Variants in BMP2K observed in about 807,000 individuals in gnomAD.
The protein encoded by BMP2K is BMP-2-inducible protein kinase.
A neutral mutation model predicts 116.0 loss-of-function variants in BMP2K; 74 were observed. The observed-to-expected ratio is 0.64, with a 90% confidence interval of 0.53 to 0.77. The LOEUF is 0.77. Among genes scored for constraint, BMP2K ranks in the 30% least tolerant of loss-of-function variants. The probability of loss-of-function intolerance (pLI) is 0.00; values close to 1 mark genes in which losing one functional copy is unlikely to be tolerated. For synonymous variants in BMP2K, 486 were observed against 502.5 expected, an observed-to-expected ratio of 0.97 and a Z score of 0.44; for missense variants, 1,365 against 1,403.6, an observed-to-expected ratio of 0.97 and a Z score of 0.44.
At chr4:78,869,242 ACT>A (rs1036235454) in intron 10 of BMP2K, among the ~76,000 whole-genome samples, 9 of 150,302 alleles carry the variant, frequency 6.0e-5, no homozygotes, top group African/African-American at 2.2e-4. Context: ...TGGGGCTTCC[ACT>A]CTCTGAAGCC....
chr4:78,905,860 A>G lies in BMP2K; in HGVS notation c.2063-4750A>G, dbSNP rs17003495. 9.4e-3 allele frequency among the ~76,000 whole-genome samples: 1,422 copies of G among 152,058 alleles called. 29 individuals are homozygous for G. The highest frequency in any genetic ancestry group is 0.031 in the African/African-American group (1,300 of 41,544). ...ATATGTTTAGGCAAAGAAATGGAGT[A>G]TGAAGGTTTATGGCATTCTTAGCTA... is the stretch of plus-strand genomic sequence containing the variant. On this transcript the variant is annotated intron_variant, in intron 15 of 15. Transcript: ENST00000502613.
rs565851105 is a variant in BMP2K, at chr4:78,836,426, AAAG to A, written c.403+2743_403+2745del. On this transcript the variant is annotated intron_variant, in intron 3 of 15. Coordinates refer to ENST00000502613, the MANE Select transcript of BMP2K (RefSeq NM_198892.2). The stretch of plus-strand genomic sequence containing the variant: ...AGCGAGACTCTGTCTCAAAAAAAAA[AAAG>A]AAGTAAAAATAATTATGCAGTATGT... 1.2e-3 allele frequency among the ~76,000 whole-genome samples: 190 copies of A among 152,284 alleles called. 4 individuals are homozygous for A. In the South Asian group the frequency reaches 0.023, roughly 18 times the overall value.
intron 1 of BMP2K, among the ~76,000 whole-genome samples, chr4:78,805,024 T>C: frequency 6.6e-6 from 1 of 152,216 alleles, no homozygotes; most frequent in East Asian, 1.9e-4. Flanking sequence ...TATGTTTTCC[T>C]CCAAGAGTTT....
chr4:78,871,085 T>C (rs1307710876), intron 11 of BMP2K, 25 bp downstream of exon 11: 4 of 1,595,690 alleles, frequency 2.5e-6, no homozygotes, highest in Admixed American at 3.3e-5. Flanking sequence ...TCTTTAGATA[T>C]GGAAGTAGTG....
chr4:78,899,516 G>C (rs993476362), intron 15 of BMP2K, among the ~76,000 whole-genome samples: 1 of 152,092 alleles, frequency 6.6e-6, no homozygotes, highest in Non-Finnish European at 1.5e-5. Context: ...ATGCCAGTTA[G>C]AAGAGACTAG....
At chr4:78,791,975 G>A (rs901574302) in intron 1 of BMP2K, among the ~76,000 whole-genome samples, 5 of 152,100 alleles carry the variant, frequency 3.3e-5, no homozygotes, top group Non-Finnish European at 7.4e-5. Context: ...GGGAATTATT[G>A]GATCATATGA....
intron 7 of BMP2K, among the ~76,000 whole-genome samples, chr4:78,851,366 C>A (rs72660909): frequency 0.065 from 9,862 of 152,078 alleles, 375 homozygotes; most frequent in Middle Eastern, 0.12. Context: ...TTTCTTCCAA[C>A]CTCCTTTAAG....
chr4:78,776,797 G>A, intron 1 of BMP2K, 76 bp downstream of exon 1: 1 of 1,173,052 alleles, frequency 8.5e-7, no homozygotes, highest in Non-Finnish European at 1.1e-6. Flanking sequence ...CCGGGTCCTC[G>A]CCCTCCGGAC....
intron 6 of BMP2K, among the ~76,000 whole-genome samples, chr4:78,849,086 A>G (rs1252108954): frequency 6.6e-6 from 1 of 151,546 alleles, no homozygotes; most frequent in East Asian, 1.9e-4. Flanking sequence ...CATATTTTAG[A>G]AAATAATTAT....
At chr4:78,799,259 CG>C (rs1479670538) in intron 1 of BMP2K, among the ~76,000 whole-genome samples, 2 of 150,572 alleles carry the variant, frequency 1.3e-5, no homozygotes, top group Admixed American at 6.6e-5. Context: ...CTTGATTGTC[CG>C]TTTTTTTTTT....
chr4:78,827,651 C>T (rs1346033891), intron 2 of BMP2K, among the ~76,000 whole-genome samples: 1 of 152,010 alleles, frequency 6.6e-6, no homozygotes, highest in African/African-American at 2.4e-5. Flanking sequence ...TAATGCACCC[C>T]TCAAATTTCC....
intron 9 of BMP2K, among the ~76,000 whole-genome samples, chr4:78,863,759 C>T (rs187427571): frequency 5.9e-5 from 9 of 152,276 alleles, no homozygotes; most frequent in African/African-American, 2.2e-4. Flanking sequence ...CTAATCTGCC[C>T]AGGCATTTTC....
At chr4:78,896,006 G>A (rs1367334564) in intron 15 of BMP2K, among the ~76,000 whole-genome samples, 1 of 152,160 alleles carries the variant, frequency 6.6e-6, no homozygotes, top group Non-Finnish European at 1.5e-5. Context: ...AAGCAATCCT[G>A]CCTTGGCCTC....
At chr4:78,890,558 C>T (rs563893013) in intron 15 of BMP2K, among the ~76,000 whole-genome samples, 1 of 152,174 alleles carries the variant, frequency 6.6e-6, no homozygotes, top group East Asian at 1.9e-4. Flanking sequence ...GATCACATTT[C>T]CTGTCTTTGT....
chr4:78,807,463 A>G (rs539200566), intron 1 of BMP2K, among the ~76,000 whole-genome samples: 45 of 150,714 alleles, frequency 3.0e-4, no homozygotes, highest in Non-Finnish European at 4.9e-4. Flanking sequence ...CTTCTCTTCT[A>G]TTTTTTTGGA....
chr4:78,864,141 T>G (rs1731930291), intron 9 of BMP2K, among the ~76,000 whole-genome samples: 1 of 152,106 alleles, frequency 6.6e-6, no homozygotes, highest in African/African-American at 2.4e-5. Context: ...TTCTTAGGGC[T>G]TTTGCTATGC....
chr4:78,817,709 G>A (rs1578492521), intron 1 of BMP2K, among the ~76,000 whole-genome samples: 1 of 152,202 alleles, frequency 6.6e-6, no homozygotes, highest in African/African-American at 2.4e-5. Context: ...TCTCCTATCC[G>A]CAGAGGTAGG....
At chr4:78,896,308 T>C (rs1336521812) in intron 15 of BMP2K, among the ~76,000 whole-genome samples, 1 of 152,184 alleles carries the variant, frequency 6.6e-6, no homozygotes, top group Non-Finnish European at 1.5e-5. Context: ...AGCATGTGTA[T>C]TGAAAAAGTA....
At chr4:78,851,480 TTAAAA>T (rs1424115035) in intron 7 of BMP2K, among the ~76,000 whole-genome samples, 1 of 152,134 alleles carries the variant, frequency 6.6e-6, no homozygotes, top group Admixed American at 6.6e-5. Context: ...CCATCAGCTA[TTAAAA>T]TAAATTAGGA....
Sources: allele counts gnomAD v4.1 joint callset (sites outside exome capture counted in the v4.1 genomes callset), GRCh38; gene constraint gnomAD v4.1.1; transcripts MANE v1.5; gene names NCBI Gene and HGNC (gene_info 2026-07-23, HGNC 2026-07-21).